The following RGSL1 variants were observed in gnomAD, a reference collection of about 807,000 sequenced individuals.
RGSL1 encodes regulator of G protein signaling like 1.
RGSL1 carries 97 observed loss-of-function variants against 124.7 expected under a neutral mutation model. The observed-to-expected ratio is 0.78, with a 90% confidence interval of 0.66 to 0.92. The LOEUF is 0.92. Among genes scored for constraint, RGSL1 ranks in the 40% least tolerant of loss-of-function variants. RGSL1 has a pLI of 0.00. For synonymous variants in RGSL1, 424 were observed against 438.1 expected, an observed-to-expected ratio of 0.97 and a Z score of 0.40; for missense variants, 1,233 against 1,288.4, an observed-to-expected ratio of 0.96 and a Z score of 0.66.
rs1234644728 is a variant in RGSL1, at chr1:182,474,405, A to G, written c.1294A>G (p.Ile432Val). 1.3e-6 allele frequency: 2 copies of G among 1,552,056 alleles called. No individual in the cohort carries two copies. Among genetic ancestry groups the G allele is most frequent in the Non-Finnish European group, 1.7e-6 (2 of 1,147,032 alleles). Residue 432 changes from isoleucine (I) to valine (V), a missense_variant, in exon 6 of 22, where the codon ATC (isoleucine) becomes GTC (valine). Physicochemically the swap from Ile to Val is conservative, Grantham distance 29 (BLOSUM62 3). Transcript: ENST00000294854. ...AIFRHLLGDR[I>V]CELYLNEQIG... is the part of the protein sequence containing the mutation. Reference sequence around the variant, plus strand: ...CTTTCGTCACTTGCTGGGTGACAGAATCTGCGAGCTCTACCTGAATGAGCA... The same window carrying G: ...CTTTCGTCACTTGCTGGGTGACAGAGTCTGCGAGCTCTACCTGAATGAGCA...
At chr1:182,464,106 T>G (rs1207926709) in intron 4 of RGSL1, among the ~76,000 whole-genome samples, 1 of 151,892 alleles carries the variant, frequency 6.6e-6, no homozygotes, top group Non-Finnish European at 1.5e-5. Flanking sequence ...AAACAATGGA[T>G]CAAAGAAAAA....
intron 15 of RGSL1, among the ~76,000 whole-genome samples, chr1:182,541,521 A>T (rs1044818047): frequency 1.3e-5 from 2 of 152,212 alleles, no homozygotes; most frequent in African/African-American, 4.8e-5. Flanking sequence ...TATTGTGAAT[A>T]GTGCTACAAT....
In RGSL1 at chr1:182,544,608, T is replaced by C. The variant is rs1198870661; in HGVS notation, c.2670-3709T>C. Among the ~76,000 whole-genome samples the C allele has an allele frequency of 3.3e-5, 5 of 152,092 alleles. No individual in the cohort carries two copies. The East Asian group carries it at 9.6e-4, about 29-fold the overall frequency. On this transcript the variant is annotated intron_variant, in intron 15 of 21. Transcript: ENST00000294854. ...GAGTGGGGTATTGAAATTCCTGCTATTATTGTATTGCAACCTTTTTCTCCC... is the reference window on the plus strand; with the variant it reads ...GAGTGGGGTATTGAAATTCCTGCTACTATTGTATTGCAACCTTTTTCTCCC...
intron 9 of RGSL1, among the ~76,000 whole-genome samples, chr1:182,493,540 G>C (rs958526896): frequency 6.6e-6 from 1 of 152,190 alleles, no homozygotes; most frequent in Admixed American, 6.5e-5. Flanking sequence ...GGTAGATGCT[G>C]AACTGTGAAG....
intron 9 of RGSL1, among the ~76,000 whole-genome samples, chr1:182,500,480 G>C (rs975623764): frequency 6.6e-6 from 1 of 151,388 alleles, no homozygotes; most frequent in African/African-American, 2.4e-5. Context: ...GGTCGTTTTT[G>C]CTATTTGGGA....
At chr1:182,530,586 C>T (rs1659103510) in intron 12 of RGSL1, among the ~76,000 whole-genome samples, 1 of 147,644 alleles carries the variant, frequency 6.8e-6, no homozygotes, top group Non-Finnish European at 1.5e-5. Flanking sequence ...TTTGCATTAA[C>T]AAGAAACAAT....
At chr1:182,506,754 CT>C (rs1351190538) in intron 9 of RGSL1, among the ~76,000 whole-genome samples, 1 of 152,022 alleles carries the variant, frequency 6.6e-6, no homozygotes, top group Admixed American at 6.6e-5. Flanking sequence ...CATTTTAAGT[CT>C]TTTTTTAACT....
chr1:182,547,860 C>CAA (rs149439475), intron 15 of RGSL1, among the ~76,000 whole-genome samples: 4 of 149,724 alleles, frequency 2.7e-5, no homozygotes, highest in African/African-American at 9.8e-5. Context: ...GACTCCATCT[C>CAA]AAAAAAAAAA....
At chr1:182,554,583 A>G (rs548517982) in intron 19 of RGSL1, 44 bp from the exon 20 acceptor site, 3 of 1,523,692 alleles carry the variant, frequency 2.0e-6, no homozygotes, top group East Asian at 4.9e-5. Flanking sequence ...GACTGCGTCT[A>G]TGTCATGAGT....
intron 11 of RGSL1, among the ~76,000 whole-genome samples, chr1:182,529,877 C>G (rs1659034608): frequency 6.6e-6 from 1 of 152,126 alleles, no homozygotes; most frequent in Admixed American, 6.6e-5. Flanking sequence ...TATCTGGAAT[C>G]TTGGATTCCC....
In RGSL1 at chr1:182,556,216, G is replaced by T. The variant is rs944496787; in HGVS notation, c.*159G>T. ...AGCCCAGATATGGCAGGACCAGACT[G>T]CAATGGGTAAGACTTGGGCAGAGCA... On this transcript the variant is annotated 3_prime_UTR_variant, in exon 21 of 22. Transcript: ENST00000294854. 2.9e-6 allele frequency: 2 copies of T among 678,860 alleles called. No homozygotes were observed. The highest frequency in any genetic ancestry group is 2.5e-6 in the Non-Finnish European group (1 of 395,806). 42.1% of individuals were successfully genotyped at this position (678,860 alleles called of 1,614,324 possible).
chr1:182,530,466 C>A, intron 12 of RGSL1, 105 bp downstream of exon 12: 2 of 877,136 alleles, frequency 2.3e-6, no homozygotes, highest in South Asian at 3.4e-5. Context: ...AGCTCATTGC[C>A]AGAGCCTCTC....
At chr1:182,472,288 G>A in intron 4 of RGSL1, 108 bp from the exon 5 acceptor site, 1 of 983,934 alleles carries the variant, frequency 1.0e-6, no homozygotes, top group Non-Finnish European at 1.4e-6. Flanking sequence ...AATGATGATT[G>A]ATGCAGTGGA....
At chr1:182,536,620 C>T (rs73059350) in intron 14 of RGSL1, among the ~76,000 whole-genome samples, 2,981 of 152,236 alleles carry the variant, frequency 0.02, 95 homozygotes, top group African/African-American at 0.068. Flanking sequence ...TAAAGACATA[C>T]CCAAGACAGG....
chr1:182,526,387 G>A (rs927939700), intron 10 of RGSL1, among the ~76,000 whole-genome samples: 1 of 152,096 alleles, frequency 6.6e-6, no homozygotes, highest in East Asian at 1.9e-4. Flanking sequence ...AAGATCAGTG[G>A]CCAGGCATGG....
chr1:182,495,481 T>C (rs1406667971), intron 9 of RGSL1, among the ~76,000 whole-genome samples: 1 of 152,216 alleles, frequency 6.6e-6, no homozygotes, highest in Admixed American at 6.5e-5. Context: ...AGTATTCTAA[T>C]CTTTCTCCTT....
At chr1:182,450,375 G>A (rs1165332795) in intron 1 of RGSL1, 197 bp downstream of exon 1, 31 of 644,494 alleles carry the variant, frequency 4.8e-5, no homozygotes, top group South Asian at 7.4e-5. Flanking sequence ...TTTGAGGATA[G>A]TACAGGGCCT....
At chr1:182,484,337 A>G (rs998405045) in intron 6 of RGSL1, among the ~76,000 whole-genome samples, 4 of 151,992 alleles carry the variant, frequency 2.6e-5, no homozygotes, top group Middle Eastern at 3.4e-3. Context: ...CCCAGGCACT[A>G]TTTCCCTGGG....
intron 4 of RGSL1, chr1:182,460,592 C>CCTAGCT (rs765719208): frequency 1.4e-4 from 64 of 452,570 alleles, no homozygotes; most frequent in Admixed American, 1.2e-3. Context: ...TAATTTGTCT[C>CCTAGCT]TTTGCTTTTG....
Sources: gnomAD v4.1 joint callset for allele counts (sites outside exome capture counted in the v4.1 genomes callset) on GRCh38, gnomAD v4.1.1 for gene constraint, MANE v1.5 for transcripts, NCBI Gene and HGNC (gene_info 2026-07-23, HGNC 2026-07-21) for gene names.